The following LRRC36 variants were observed in gnomAD, a reference collection of about 807,000 sequenced individuals.
The protein encoded by LRRC36 is leucine-rich repeat-containing protein 36.
In LRRC36, 62 loss-of-function variants were observed where a neutral mutation model predicts 81.1. The observed-to-expected ratio is 0.76, with a 90% CI of 0.62 to 0.94. The LOEUF (loss-of-function observed/expected upper bound fraction) is 0.94. LRRC36 is among the 40% of genes least tolerant of loss of function. LRRC36 has a pLI of 0.00. For missense variants in LRRC36, 761 were observed against 881.7 expected, an observed-to-expected ratio of 0.86 and a Z score of 1.73; for synonymous variants, 334 against 348.6, an observed-to-expected ratio of 0.96 and a Z score of 0.47.
chr16:67,378,228 T>C (rs2039977403), intron 11 of LRRC36, among the ~76,000 whole-genome samples: 1 of 148,216 alleles, frequency 6.7e-6, no homozygotes, highest in South Asian at 2.1e-4. Context: ...CCTTAGCATG[T>C]CAGATTCTTT....
intron 1 of LRRC36, among the ~76,000 whole-genome samples, chr16:67,333,562 C>T (rs1209676221): frequency 1.3e-5 from 2 of 152,202 alleles, no homozygotes; most frequent in East Asian, 1.9e-4. Flanking sequence ...TTTCCCACTA[C>T]CCCTGGCTCC....
At chr16:67,376,580 A>G (rs2039903214) in intron 10 of LRRC36, 147 bp from the exon 11 acceptor site, 4 of 741,574 alleles carry the variant, frequency 5.4e-6, no homozygotes, top group Non-Finnish European at 8.7e-6. Context: ...CCTCTTAAAA[A>G]CACCTCTTTC....
At chr16:67,342,107 A>G (rs1198559067) in intron 2 of LRRC36, 23 bp downstream of exon 2, 5 of 1,517,070 alleles carry the variant, frequency 3.3e-6, no homozygotes, top group Non-Finnish European at 4.5e-6. Flanking sequence ...TTCTATGACC[A>G]GCCAGGTCTG....
chr16:67,361,403 G>C (rs1208405920), intron 5 of LRRC36, among the ~76,000 whole-genome samples: 2 of 151,952 alleles, frequency 1.3e-5, no homozygotes, highest in African/African-American at 4.8e-5. Context: ...TACAGTTTTT[G>C]TTATTTTTAC....
intron 12 of LRRC36, among the ~76,000 whole-genome samples, chr16:67,380,123 T>C (rs538788322): frequency 5.6e-4 from 86 of 152,222 alleles, no homozygotes; most frequent in Non-Finnish European, 9.4e-4. Flanking sequence ...GAGCTGAGAG[T>C]CCTAATATTT....
chr16:67,385,186 A>C lies in LRRC36; in HGVS notation c.*97A>C, dbSNP rs931177291. 1.2e-6 allele frequency: 1 copy of C among 851,410 alleles called. No individual in the cohort carries two copies. Among genetic ancestry groups the C allele is most frequent in the African/African-American group, 1.7e-5 (1 of 58,688 alleles). 52.7% of individuals were successfully genotyped at this position (851,410 alleles called of 1,614,324 possible). On this transcript the variant is annotated 3_prime_UTR_variant, in exon 14 of 14. Transcript: ENST00000329956. ...TGGTATGTACTCACAAAGATTAAGA[A>C]AGAAATGTATTCTGATTAGATTGTA...
chr16:67,348,794 C>T (rs2038477628), intron 4 of LRRC36, among the ~76,000 whole-genome samples: 1 of 152,178 alleles, frequency 6.6e-6, no homozygotes, highest in South Asian at 2.1e-4. Flanking sequence ...ATCCCAGTTG[C>T]TAGAACCGTG....
At chr16:67,378,520 G>A (rs1036612826) in intron 11 of LRRC36, 69 bp from the exon 12 acceptor site, 22 of 1,498,550 alleles carry the variant, frequency 1.5e-5, no homozygotes, top group Admixed American at 1.7e-5. Flanking sequence ...GATTACAGGC[G>A]TGAGCCACGG....
Position 67,326,842 on chromosome 16 carries a change from G to A in LRRC36, c.-21G>A. The A allele has an allele frequency of 2.8e-6, 4 of 1,423,182 alleles. No homozygotes were observed. Among genetic ancestry groups the A allele is most frequent in the Non-Finnish European group, 3.6e-6 (4 of 1,097,496 alleles). 88.2% of individuals were successfully genotyped at this position (1,423,182 alleles called of 1,614,324 possible). On this transcript the variant is annotated 5_prime_UTR_variant, in exon 1 of 14. Transcript: ENST00000329956. Reference sequence around the variant, plus strand: ...GCGCCGGGTGGTCTCGCGGGCGGTGGCAGGTGAGCGGCGGGCGGGGATGGC... The same window carrying A: ...GCGCCGGGTGGTCTCGCGGGCGGTGACAGGTGAGCGGCGGGCGGGGATGGC...
chr16:67,375,759 A>G (rs553356018), intron 10 of LRRC36, among the ~76,000 whole-genome samples: 4 of 152,306 alleles, frequency 2.6e-5, no homozygotes, highest in Admixed American at 6.5e-5. Context: ...AATAATGAAT[A>G]CAACAGAAAT....
chr16:67,349,074 G>T (rs1286610954), intron 4 of LRRC36, among the ~76,000 whole-genome samples: 1 of 152,096 alleles, frequency 6.6e-6, no homozygotes, highest in African/African-American at 2.4e-5. Context: ...CTAAAACATT[G>T]TTTATATGTT....
chr16:67,346,872 T>A (rs942184493), intron 3 of LRRC36, among the ~76,000 whole-genome samples: 2 of 152,134 alleles, frequency 1.3e-5, no homozygotes, highest in African/African-American at 2.4e-5. Flanking sequence ...TTACTTTATT[T>A]TTTATTTATT....
chr16:67,343,649 C>A (rs2038199692), intron 2 of LRRC36, among the ~76,000 whole-genome samples: 1 of 149,424 alleles, frequency 6.7e-6, no homozygotes, highest in Non-Finnish European at 1.5e-5. Flanking sequence ...GAGCCTAGAT[C>A]GCACCACTAC....
At chr16:67,345,368 C>G (rs1168072796) in intron 2 of LRRC36, among the ~76,000 whole-genome samples, 1 of 151,082 alleles carries the variant, frequency 6.6e-6, no homozygotes, top group Non-Finnish European at 1.5e-5. Flanking sequence ...TTGAAATTGT[C>G]CTGAAATTTA....
intron 7 of LRRC36, 109 bp downstream of exon 7, chr16:67,365,464 A>G: frequency 1.1e-6 from 1 of 909,224 alleles, no homozygotes. Context: ...CTATTTAGTC[A>G]ACTAATTTCT....
chr16:67,375,403 A>G lies in LRRC36; in HGVS notation c.1651A>G (p.Lys551Glu), dbSNP rs200635247. ...NGSGSLLLNK[K>E]FLGPARDLLL... is the part of the protein sequence containing the mutation. ...CTCCGGCTCCCTCCTCCTCAACAAG[A>G]AGTTTCTCGGTGAGTGAATGCATTC... Residue 551 changes from lysine (K) to glutamate (E), a missense_variant, in exon 10 of 14, where the codon AAG becomes GAG. Physicochemically the swap from Lys to Glu is moderately conservative, Grantham distance 56. Transcript: ENST00000329956. 6.3e-7 allele frequency: 1 copy of G among 1,579,516 alleles called. No homozygotes were observed. Among genetic ancestry groups the G allele is most frequent in the East Asian group, 2.2e-5 (1 of 44,506 alleles).
chr16:67,338,331 T>C lies in LRRC36; in HGVS notation c.71-3626T>C, dbSNP rs192748598. ...ATTCTTGCAAACCTCCTTAATGTTTTGTTTAAAAGAAGACAGCTAGATTCT... is the reference window on the plus strand; with the variant it reads ...ATTCTTGCAAACCTCCTTAATGTTTCGTTTAAAAGAAGACAGCTAGATTCT... On this transcript the variant is annotated intron_variant, in intron 1 of 13. Transcript: ENST00000329956. Among the ~76,000 whole-genome samples the C allele has an allele frequency of 2.0e-5, 3 of 152,304 alleles. No individual in the cohort carries two copies. In the East Asian group the frequency reaches 5.8e-4, roughly 29 times the overall value.
At chr16:67,349,343 C>T (rs1335139227) in intron 4 of LRRC36, among the ~76,000 whole-genome samples, 1 of 151,748 alleles carries the variant, frequency 6.6e-6, no homozygotes. Context: ...GTCCCAGTTC[C>T]CCCACCTATA....
chr16:67,357,626 T>G lies in LRRC36; in HGVS notation c.578-5964T>G, dbSNP rs2038959557. Among the ~76,000 whole-genome samples, 2 of 152,226 alleles carry G rather than the reference T, an allele frequency of 1.3e-5. 1 individual carries two copies. The highest frequency in any genetic ancestry group is 1.3e-4 in the Admixed American group (2 of 15,280). On this transcript the variant is annotated intron_variant, in intron 5 of 13. Transcript: ENST00000329956. ...CTGGGTCTTTGTACCCCTGCCTAGC[T>G]CTGTCACGGGGAGTGAACTGTCCTT... is the stretch of plus-strand genomic sequence containing the variant.
Sources: allele counts gnomAD v4.1 joint callset (sites outside exome capture counted in the v4.1 genomes callset), GRCh38; gene constraint gnomAD v4.1.1; transcripts MANE v1.5; gene names NCBI Gene and HGNC (gene_info 2026-07-23, HGNC 2026-07-21).